The following C21orf91 variants were observed in gnomAD, a reference collection of about 807,000 sequenced individuals.
C21orf91 encodes chromosome 21 open reading frame 91.
A neutral mutation model predicts 32.9 loss-of-function variants in C21orf91; 26 were observed. The observed-to-expected ratio is 0.79, with a 90% CI of 0.58 to 1.10. The LOEUF (loss-of-function observed/expected upper bound fraction) is 1.10. C21orf91 is among the 50% of genes least tolerant of loss of function. The pLI, the probability that C21orf91 is intolerant of heterozygous loss-of-function variation, is 0.00. For missense variants in C21orf91, 310 were observed against 341.3 expected, an observed-to-expected ratio of 0.91 and a Z score of 0.72; for synonymous variants, 126 against 120.4, an observed-to-expected ratio of 1.05 and a Z score of -0.31.
intron 2 of C21orf91, among the ~76,000 whole-genome samples, chr21:17,801,834 A>G (rs1478821433): frequency 6.6e-6 from 1 of 151,962 alleles, no homozygotes; most frequent in Non-Finnish European, 1.5e-5. Flanking sequence ...CCCAGAACTT[A>G]AAGTATTAAA....
chr21:17,813,079 T>TTA, intron 2 of C21orf91, among the ~76,000 whole-genome samples: 1 of 152,238 alleles, frequency 6.6e-6, no homozygotes, highest in South Asian at 2.1e-4. Context: ...CCATTAGGCT[T>TTA]TATACTTCAA....
rs1238794843 is a variant in C21orf91 at position 17,790,914 on chromosome 21, C to G, written c.*2501G>C. 2 of 152,086 alleles carry G rather than the reference C, an allele frequency of 1.3e-5. No individual in the cohort carries two copies. The highest frequency in any genetic ancestry group is 4.8e-5 in the African/African-American group (2 of 41,432). The allele number at this position is 152,086 out of a possible 1,614,324, so 9.4% of individuals were successfully genotyped here. A position where few individuals can be genotyped will look rare whatever the true frequency, so the allele number is the denominator to read the frequency against. Reference sequence around the variant, plus strand: ...ATCTCACTCCCCTTAATCATATAAGCTCTGAAAATTTAGTAATGGATGACT... The same window carrying G: ...ATCTCACTCCCCTTAATCATATAAGGTCTGAAAATTTAGTAATGGATGACT... On this transcript the variant is annotated 3_prime_UTR_variant, in exon 5 of 5. Transcript: ENST00000284881.
chr21:17,807,085 C>T (rs888293746), intron 2 of C21orf91, among the ~76,000 whole-genome samples: 14 of 152,156 alleles, frequency 9.2e-5, no homozygotes, highest in African/African-American at 3.1e-4. Flanking sequence ...TATATTTTAT[C>T]TATACTGTAT....
chr21:17,809,406 T>G (rs2146259479), intron 2 of C21orf91, among the ~76,000 whole-genome samples: 1 of 152,326 alleles, frequency 6.6e-6, no homozygotes, highest in Non-Finnish European at 1.5e-5. Context: ...GAAGGAGTAT[T>G]CCATGTTAAT....
chr21:17,806,833 G>A (rs990044206), intron 2 of C21orf91, among the ~76,000 whole-genome samples: 1 of 151,696 alleles, frequency 6.6e-6, no homozygotes, highest in Non-Finnish European at 1.5e-5. Flanking sequence ...AAGCGACACT[G>A]CACTCCAGCC....
rs73892690 is a variant in C21orf91 at position 17,790,004 on chromosome 21, G to T, written c.*3411C>A. On this transcript the variant is annotated 3_prime_UTR_variant, in exon 5 of 5. Transcript: ENST00000284881. Reference sequence around the variant, plus strand: ...CAAAAAGTATTAACTTTTTTATAGCGTATTACACTTCTTAATAAGCACTTA... The same window carrying T: ...CAAAAAGTATTAACTTTTTTATAGCTTATTACACTTCTTAATAAGCACTTA... 4 of 152,090 alleles carry T rather than the reference G, an allele frequency of 2.6e-5. No individual in the cohort carries two copies. The highest frequency in any genetic ancestry group is 6.5e-5 in the Admixed American group (1 of 15,282). The allele number at this position is 152,090 out of a possible 1,614,324, so 9.4% of individuals were successfully genotyped here. A position where few individuals can be genotyped will look rare whatever the true frequency, so the allele number is the denominator to read the frequency against.
chr21:17,795,162 T>G, intron 4 of C21orf91, 46 bp downstream of exon 4: 1 of 1,208,470 alleles, frequency 8.3e-7, no homozygotes, highest in Non-Finnish European at 1.2e-6. Context: ...TGATTTTCTA[T>G]GTCAAAATTT....
In C21orf91 at chr21:17,793,057, T is replaced by C. The variant is rs1210330189; in HGVS notation, c.*358A>G. ...AAATAAGAGGTGATATGAATTCCAT[T>C]TCCCTCTTAAAAATTATCTCTAGTA... is the stretch of plus-strand genomic sequence containing the variant. On this transcript the variant is annotated 3_prime_UTR_variant, in exon 5 of 5. Coordinates refer to ENST00000284881, the MANE Select transcript of C21orf91 (RefSeq NM_001100420.2). 1 of 156,196 alleles carries C rather than the reference T, an allele frequency of 6.4e-6. No individual in the cohort carries two copies. Among genetic ancestry groups the C allele is most frequent in the Non-Finnish European group, 1.4e-5 (1 of 70,648 alleles). The allele number at this position is 156,196 out of a possible 1,614,324, so 9.7% of individuals were successfully genotyped here.
At chr21:17,812,532 G>A (rs759090929) in intron 2 of C21orf91, among the ~76,000 whole-genome samples, 9 of 152,130 alleles carry the variant, frequency 5.9e-5, no homozygotes, top group East Asian at 1.9e-4. Flanking sequence ...ACTGTTGGCC[G>A]GGCGCGGTGG....
intron 2 of C21orf91, among the ~76,000 whole-genome samples, chr21:17,808,444 A>G (rs955446565): frequency 6.6e-6 from 1 of 152,196 alleles, no homozygotes; most frequent in African/African-American, 2.4e-5. Context: ...GCAGATGGGA[A>G]ATGTGGGGTT....
At chr21:17,810,421 G>T (rs1279409416) in intron 2 of C21orf91, 1 of 152,208 alleles carries the variant, frequency 6.6e-6, no homozygotes, top group Non-Finnish European at 1.5e-5. Context: ...GACATAGTTA[G>T]TTTAATGCTC....
chr21:17,797,785 T>C (rs2062530903), intron 2 of C21orf91, among the ~76,000 whole-genome samples: 1 of 152,066 alleles, frequency 6.6e-6, no homozygotes, highest in Non-Finnish European at 1.5e-5. Flanking sequence ...GTAAATTCAA[T>C]CTGCCAAGAT....
intron 2 of C21orf91, among the ~76,000 whole-genome samples, chr21:17,816,853 T>C (rs755339489): frequency 1.3e-5 from 2 of 152,242 alleles, no homozygotes; most frequent in African/African-American, 2.4e-5. Context: ...TCTTTACTCA[T>C]CTAAAATTAA....
At chr21:17,809,665 A>ATAAT (rs2062619630) in intron 2 of C21orf91, among the ~76,000 whole-genome samples, 1 of 152,152 alleles carries the variant, frequency 6.6e-6, no homozygotes, top group Non-Finnish European at 1.5e-5. Flanking sequence ...AATATGCTAT[A>ATAAT]TAATTTATTT....
At chr21:17,813,602 C>G (rs1485163070) in intron 2 of C21orf91, among the ~76,000 whole-genome samples, 1 of 152,182 alleles carries the variant, frequency 6.6e-6, no homozygotes, top group Non-Finnish European at 1.5e-5. Flanking sequence ...ACACTGAAAA[C>G]TTTGTTTGGT....
rs997423802 is a variant in C21orf91, at chr21:17,790,963, A to T, written c.*2452T>A. 6.6e-6 allele frequency: 1 copy of T among 152,150 alleles called. No homozygotes were observed. Among genetic ancestry groups the T allele is most frequent in the Admixed American group, 6.5e-5 (1 of 15,272 alleles). 9.4% of individuals were successfully genotyped at this position (152,150 alleles called of 1,614,324 possible). A position where few individuals can be genotyped will look rare whatever the true frequency, so the allele number is the denominator to read the frequency against. ...CTGGCAGTCTGTTTTGCCACTTTTTAAACAGTAGTACATGAGATATGCTTC... is the reference window on the plus strand; with the variant it reads ...CTGGCAGTCTGTTTTGCCACTTTTTTAACAGTAGTACATGAGATATGCTTC... On this transcript the variant is annotated 3_prime_UTR_variant, in exon 5 of 5. Coordinates refer to ENST00000284881, the MANE Select transcript of C21orf91 (RefSeq NM_001100420.2).
intron 2 of C21orf91, among the ~76,000 whole-genome samples, chr21:17,816,409 T>C (rs2062665137): frequency 6.6e-6 from 1 of 152,216 alleles, no homozygotes; most frequent in Non-Finnish European, 1.5e-5. Context: ...ACTCCATTAA[T>C]GATGATTTGC....
At chr21:17,817,198 TC>T (rs1260408199) in intron 2 of C21orf91, among the ~76,000 whole-genome samples, 1 of 152,198 alleles carries the variant, frequency 6.6e-6, no homozygotes, top group Non-Finnish European at 1.5e-5. Flanking sequence ...CCACAAGAAA[TC>T]CATAATCTTC....
At chr21:17,807,126 A>G (rs937359019) in intron 2 of C21orf91, among the ~76,000 whole-genome samples, 1 of 152,176 alleles carries the variant, frequency 6.6e-6, no homozygotes, top group African/African-American at 2.4e-5. Flanking sequence ...AATAAAATTG[A>G]TATGGTTTCG....
Sources: gnomAD v4.1 joint callset for allele counts (sites outside exome capture counted in the v4.1 genomes callset) on GRCh38, gnomAD v4.1.1 for gene constraint, MANE v1.5 for transcripts, NCBI Gene and HGNC (gene_info 2026-07-23, HGNC 2026-07-21) for gene names.